Variants in SLC24A3 observed in about 807,000 individuals in gnomAD.
The protein encoded by SLC24A3 is sodium/potassium/calcium exchanger 3.
A neutral mutation model predicts 75.8 loss-of-function variants in SLC24A3; 28 were observed. That is an observed-to-expected ratio of 0.37 (90% CI 0.27 to 0.51). The LOEUF is 0.51. SLC24A3 is among the 20% of genes least tolerant of loss of function. The pLI, the probability that SLC24A3 is intolerant of heterozygous loss-of-function variation, is 0.94. For missense variants in SLC24A3, 663 were observed against 847.8 expected (o/e 0.78, Z 2.71); for synonymous variants, 372 against 334.1 (o/e 1.11, Z -1.24).
chr20:19,323,352 C>G (rs1984760173), intron 2 of SLC24A3, among the ~76,000 whole-genome samples: 1 of 152,092 alleles, frequency 6.6e-6, no homozygotes, highest in Non-Finnish European at 1.5e-5. Flanking sequence ...AGAGTGTGAG[C>G]AGGTCCATGC....
chr20:19,608,784 A>T (rs1302749494), intron 6 of SLC24A3, among the ~76,000 whole-genome samples: 2 of 152,204 alleles, frequency 1.3e-5, no homozygotes, highest in Non-Finnish European at 2.9e-5. Context: ...AAAACACACA[A>T]TATTCACTAA....
chr20:19,568,900 A>C (rs1163677626), intron 3 of SLC24A3, among the ~76,000 whole-genome samples: 1 of 152,216 alleles, frequency 6.6e-6, no homozygotes, highest in Non-Finnish European at 1.5e-5. Context: ...AGGGAGAGAT[A>C]GATACAGAGA....
chr20:19,377,105 G>A lies in SLC24A3; in HGVS notation c.271+96018G>A, dbSNP rs142016346. 8.7e-4 allele frequency among the ~76,000 whole-genome samples: 132 copies of A among 152,278 alleles called. 1 individual carries two copies. The highest frequency in any genetic ancestry group is 6.8e-3 in the Middle Eastern group (2 of 294). On this transcript the variant is annotated intron_variant, in intron 2 of 16. Coordinates refer to ENST00000328041, the MANE Select transcript of SLC24A3 (RefSeq NM_020689.4). ...TGAAGCAGAGATTATTTATTAGTTG[G>A]AGTGTGTACATTTCCCCCATTTTCC...
intron 1 of SLC24A3, among the ~76,000 whole-genome samples, chr20:19,242,090 C>T (rs1982347393): frequency 6.6e-6 from 1 of 151,984 alleles, no homozygotes; most frequent in Non-Finnish European, 1.5e-5. Context: ...ATCATGGACT[C>T]TCATCTCAAT....
At chr20:19,597,792 T>G (rs867662048) in intron 6 of SLC24A3, among the ~76,000 whole-genome samples, 9 of 152,360 alleles carry the variant, frequency 5.9e-5, no homozygotes, top group Middle Eastern at 3.4e-3. Flanking sequence ...TTAACTATTT[T>G]AGCTCCTACA....
At chr20:19,475,645 A>G (rs958735571) in intron 2 of SLC24A3, among the ~76,000 whole-genome samples, 1 of 152,216 alleles carries the variant, frequency 6.6e-6, no homozygotes, top group Admixed American at 6.5e-5. Flanking sequence ...AAAAAGAAAT[A>G]ATAAAATAAA....
intron 2 of SLC24A3, among the ~76,000 whole-genome samples, chr20:19,393,637 A>G (rs189316840): frequency 6.6e-6 from 1 of 152,306 alleles, no homozygotes; most frequent in East Asian, 1.9e-4. Context: ...ACTTAGGAAT[A>G]AACTTAACCA....
At chr20:19,394,282 C>T (rs1024425339) in intron 2 of SLC24A3, among the ~76,000 whole-genome samples, 3 of 152,014 alleles carry the variant, frequency 2.0e-5, no homozygotes, top group African/African-American at 7.2e-5. Context: ...GTAAAGCTTC[C>T]TGCTGTTGGA....
In SLC24A3 at chr20:19,245,415, A is replaced by G. The variant is rs910453154; in HGVS notation, c.142+32431A>G. The stretch of plus-strand genomic sequence containing the variant: ...TAAATATTTCAGACTGTATAAATCA[A>G]TGACTACATAAGTGTGATCAATTTG... On this transcript the variant is annotated intron_variant, in intron 1 of 16. Transcript: ENST00000328041. Among the ~76,000 whole-genome samples, 11 of 152,326 alleles carry G rather than the reference A, an allele frequency of 7.2e-5. No individual in the cohort carries two copies. In the East Asian group the frequency reaches 2.1e-3, roughly 29 times the overall value.
chr20:19,619,016 T>G (rs1340377566), intron 6 of SLC24A3, among the ~76,000 whole-genome samples: 1 of 152,152 alleles, frequency 6.6e-6, no homozygotes, highest in Non-Finnish European at 1.5e-5. Flanking sequence ...TACCCCACTT[T>G]GCTCCCCGAG....
intron 2 of SLC24A3, among the ~76,000 whole-genome samples, chr20:19,439,923 T>C (rs1987270776): frequency 6.6e-6 from 1 of 152,166 alleles, no homozygotes. Flanking sequence ...TGGCCAGCTT[T>C]GGGTGGGAGG....
Position 19,720,865 on chromosome 20 carries a change from G to C in SLC24A3, c.1786-126G>C, listed in dbSNP as rs922532387. On this transcript the variant is annotated intron_variant, in intron 16 of 16. Transcript: ENST00000328041. ...GAGGTGGATTTTGCAGGCTCAGAGA[G>C]GATCAGCACCCTGCCCGAGGCCCAT... 25 of 1,000,082 alleles carry C rather than the reference G, an allele frequency of 2.5e-5. 1 individual carries two copies. In the African/African-American group the frequency reaches 4.1e-4, roughly 16 times the overall value. 62.0% of individuals were successfully genotyped at this position (1,000,082 alleles called of 1,614,324 possible). A position where few individuals can be genotyped will look rare whatever the true frequency, so the allele number is the denominator to read the frequency against.
intron 2 of SLC24A3, among the ~76,000 whole-genome samples, chr20:19,340,481 G>C (rs1157620727): frequency 6.6e-6 from 1 of 152,210 alleles, no homozygotes; most frequent in South Asian, 2.1e-4. Flanking sequence ...CAATCAGTCT[G>C]TGGTAGTTTT....
chr20:19,463,398 T>C (rs1373031607), intron 2 of SLC24A3, among the ~76,000 whole-genome samples: 1 of 152,204 alleles, frequency 6.6e-6, no homozygotes, highest in Non-Finnish European at 1.5e-5. Flanking sequence ...TGAAATAATG[T>C]CACAGGCTCC....
At chr20:19,692,933 T>A (rs1037185259) in intron 12 of SLC24A3, among the ~76,000 whole-genome samples, 23 of 152,082 alleles carry the variant, frequency 1.5e-4, no homozygotes, top group Non-Finnish European at 3.1e-4. Context: ...TTTTTTGACC[T>A]GAGTATCCTC....
chr20:19,698,211 AC>A (rs1381794119), intron 14 of SLC24A3, among the ~76,000 whole-genome samples: 8 of 152,036 alleles, frequency 5.3e-5, no homozygotes, highest in African/African-American at 1.9e-4. Context: ...TTCATAAGAA[AC>A]CACCCCCATA....
At chr20:19,421,646 G>A (rs916232653) in intron 2 of SLC24A3, among the ~76,000 whole-genome samples, 3 of 152,178 alleles carry the variant, frequency 2.0e-5, no homozygotes, top group Non-Finnish European at 4.4e-5. Flanking sequence ...ACACGCCCAT[G>A]AAAATTTAGG....
intron 2 of SLC24A3, among the ~76,000 whole-genome samples, chr20:19,310,932 T>C (rs898620103): frequency 5.9e-5 from 9 of 152,228 alleles, no homozygotes; most frequent in Non-Finnish European, 7.3e-5. Flanking sequence ...TTTGCTTTGC[T>C]GGAGTCTTTC....
chr20:19,325,759 TACATAC>T (rs1278523821), intron 2 of SLC24A3, among the ~76,000 whole-genome samples: 13,455 of 92,344 alleles, frequency 0.15, 1,339 homozygotes, highest in Middle Eastern at 0.24. Context: ...TGTGTATACA[TACATAC>T]ATATATATAT....
Sources: gnomAD v4.1 joint callset for allele counts (sites outside exome capture counted in the v4.1 genomes callset) on GRCh38, gnomAD v4.1.1 for gene constraint, MANE v1.5 for transcripts, NCBI Gene and HGNC (gene_info 2026-07-23, HGNC 2026-07-21) for gene names.